Variants in VPS39 observed in about 807,000 individuals in gnomAD.
The protein encoded by VPS39 is vam6/Vps39-like protein.
VPS39 carries 70 observed loss-of-function variants against 121.0 expected under a neutral mutation model. The observed-to-expected ratio is 0.58, with a 90% CI of 0.48 to 0.71. VPS39 has a LOEUF of 0.71. Ranked by LOEUF, VPS39 falls within the 30% of genes least tolerant of loss-of-function variation. VPS39 has a pLI of 0.00. For missense variants in VPS39, 818 were observed against 1,051.5 expected, an observed-to-expected ratio of 0.78 and a Z score of 3.07; for synonymous variants, 378 against 398.1, an observed-to-expected ratio of 0.95 and a Z score of 0.60.
chr15:42,165,905 G>C, intron 16 of VPS39, 89 bp from the exon 17 acceptor site: 10 of 1,290,110 alleles, frequency 7.8e-6, no homozygotes, highest in Non-Finnish European at 1.0e-5. Flanking sequence ...GGATCAAACA[G>C]ACTTTAGGAG....
chr15:42,162,813 G>C, intron 21 of VPS39: 1 of 246,050 alleles, frequency 4.1e-6, no homozygotes, highest in East Asian at 9.0e-5. Context: ...CATTTTTGCA[G>C]GTGGGGATAT....
chr15:42,161,891 G>T, intron 23 of VPS39, 118 bp from the exon 24 acceptor site: 1 of 1,587,326 alleles, frequency 6.3e-7, no homozygotes, highest in Non-Finnish European at 8.6e-7. Context: ...TTAGAACATT[G>T]GCAATTCAAT....
intron 11 of VPS39, among the ~76,000 whole-genome samples, chr15:42,173,263 C>T (rs1391518948): frequency 1.3e-5 from 2 of 152,294 alleles, no homozygotes; most frequent in African/African-American, 4.8e-5. Context: ...AGACCTCAGG[C>T]AGACCCCAGG....
chr15:42,196,049 T>C (rs993859653), intron 2 of VPS39, among the ~76,000 whole-genome samples: 1 of 152,064 alleles, frequency 6.6e-6, no homozygotes, highest in African/African-American at 2.4e-5. Context: ...TTGACAAACC[T>C]GACAAAAACA....
At chr15:42,188,551 G>GT (rs1463415429) in intron 5 of VPS39, among the ~76,000 whole-genome samples, 2 of 152,186 alleles carry the variant, frequency 1.3e-5, no homozygotes, top group African/African-American at 4.8e-5. Flanking sequence ...CAGGACGAGA[G>GT]TTTTTGTCCT....
At chr15:42,166,099 C>G (rs2049237285) in intron 16 of VPS39, 60 bp downstream of exon 16, 9 of 1,511,220 alleles carry the variant, frequency 6.0e-6, no homozygotes, top group Non-Finnish European at 8.3e-6. Flanking sequence ...CCACTGCTGT[C>G]TCAAGTGCAA....
chr15:42,193,511 G>GT (rs1337659592), intron 2 of VPS39, among the ~76,000 whole-genome samples: 1 of 152,004 alleles, frequency 6.6e-6, no homozygotes, highest in Non-Finnish European at 1.5e-5. Flanking sequence ...TTTCTGTTAC[G>GT]TAAAAAAACA....
At chr15:42,172,687 A>T (rs2049370965) in intron 11 of VPS39, among the ~76,000 whole-genome samples, 1 of 152,152 alleles carries the variant, frequency 6.6e-6, no homozygotes, top group Admixed American at 6.5e-5. Flanking sequence ...CTACAAACTG[A>T]TCATTGTCTG....
In VPS39 at chr15:42,178,270, T is replaced by A. The variant is rs1422239862; in HGVS notation, c.908A>T (p.Gln303Leu). The A allele has an allele frequency of 6.2e-7, 1 of 1,614,164 alleles. No individual in the cohort carries two copies. The highest frequency in any genetic ancestry group is 8.5e-7 in the Non-Finnish European group (1 of 1,180,026). ...WRLIPVPMAT[Q>L]IQQLLQDKQF... Reference sequence around the variant, plus strand: ...CTTGTCCTGGAGAAGTTGTTGGATTTGGGTTGCCATGGGGACAGGGATGAG... The same window carrying A: ...CTTGTCCTGGAGAAGTTGTTGGATTAGGGTTGCCATGGGGACAGGGATGAG... Residue 303 changes from glutamine to leucine, a missense_variant, in exon 10 of 25, where the codon CAA (glutamine) becomes CTA (leucine). Gln to Leu is a moderately radical substitution (Grantham distance 113, BLOSUM62 -2). Transcript: ENST00000318006.
rs2049109080 is a variant in VPS39, at chr15:42,160,621, G to A, written c.*133C>T. 3.8e-6 allele frequency: 3 copies of A among 780,810 alleles called. No individual in the cohort carries two copies. The highest frequency in any genetic ancestry group is 3.0e-5 in the South Asian group (2 of 65,998). The allele number at this position is 780,810 out of a possible 1,614,324, so 48.4% of individuals were successfully genotyped here. A position where few individuals can be genotyped will look rare whatever the true frequency, so the allele number is the denominator to read the frequency against. ...TCTAATTAATTCAGAGTTGTTCCAGGGCACAAGATAGCCAGTAATGTCCAA... is the reference window on the plus strand; with the variant it reads ...TCTAATTAATTCAGAGTTGTTCCAGAGCACAAGATAGCCAGTAATGTCCAA... On this transcript the variant is annotated 3_prime_UTR_variant, in exon 25 of 25. Transcript: ENST00000318006.
chr15:42,208,008 T>C, intron 1 of VPS39, 73 bp downstream of exon 1: 1 of 1,511,280 alleles, frequency 6.6e-7, no homozygotes, highest in Non-Finnish European at 9.0e-7. Flanking sequence ...GCCTGTCCAC[T>C]TCCCCGGCCT....
At chr15:42,202,293 G>A (rs1322338552) in intron 1 of VPS39, among the ~76,000 whole-genome samples, 3 of 152,116 alleles carry the variant, frequency 2.0e-5, no homozygotes, top group Admixed American at 1.3e-4. Flanking sequence ...TATTTTCTTT[G>A]ATTTGGGGTC....
At position 42,208,114 on chromosome 15, in the gene VPS39, G is replaced by C; in HGVS notation, c.40C>G (p.Leu14Val). The C allele has an allele frequency of 6.3e-7, 1 of 1,590,734 alleles. No individual in the cohort carries two copies. The highest frequency in any genetic ancestry group is 1.1e-5 in the South Asian group (1 of 87,288). Residue 14 changes from leucine to valine, a missense_variant, in exon 1 of 25, where the codon CTG (leucine) becomes GTG (valine). By Grantham distance (32) the Leu-to-Val change is conservative. Transcript: ENST00000318006. ...GCCAGACAGTCGATTTGCAGAGGCA[G>C]CTTTTCTAGGATCGGCACTGGCTCG... The part of the protein sequence containing the change: ...AFEPVPILEK[L>V]PLQIDCLAAW...
chr15:42,171,289 G>A (rs2049343423), intron 11 of VPS39, among the ~76,000 whole-genome samples: 1 of 152,202 alleles, frequency 6.6e-6, no homozygotes, highest in Non-Finnish European at 1.5e-5. Context: ...TATGAGATTT[G>A]GAAACTGAAA....
chr15:42,198,994 C>G (rs2050005432), intron 2 of VPS39, among the ~76,000 whole-genome samples: 1 of 152,166 alleles, frequency 6.6e-6, no homozygotes, highest in African/African-American at 2.4e-5. Context: ...CCCGAGTGCA[C>G]TAGTAAGGTG....
chr15:42,205,432 A>G (rs985359489), intron 1 of VPS39, among the ~76,000 whole-genome samples: 1 of 152,200 alleles, frequency 6.6e-6, no homozygotes, highest in African/African-American at 2.4e-5. Flanking sequence ...ATATATACAA[A>G]GGCAAGTGAG....
intron 10 of VPS39, among the ~76,000 whole-genome samples, chr15:42,174,239 T>C (rs2049404247): frequency 6.6e-6 from 1 of 151,208 alleles, no homozygotes; most frequent in African/African-American, 2.4e-5. Context: ...AGAGTGAGAC[T>C]CCATCTCAAA....
intron 4 of VPS39, among the ~76,000 whole-genome samples, chr15:42,190,023 C>T (rs1279522313): frequency 6.6e-6 from 1 of 151,844 alleles, no homozygotes; most frequent in East Asian, 2.0e-4. Context: ...CTGTGTTGCC[C>T]AGGCTGGTCT....
At chr15:42,181,741 T>A (rs2049585395) in intron 8 of VPS39, among the ~76,000 whole-genome samples, 2 of 152,194 alleles carry the variant, frequency 1.3e-5, no homozygotes, top group South Asian at 4.1e-4. Flanking sequence ...AGTCTCTCTC[T>A]ATAGGCCCGG....
Sources: gnomAD v4.1 joint callset for allele counts (sites outside exome capture counted in the v4.1 genomes callset) on GRCh38, gnomAD v4.1.1 for gene constraint, MANE v1.5 for transcripts, NCBI Gene and HGNC (gene_info 2026-07-23, HGNC 2026-07-21) for gene names.